ANO10: variants seen among roughly 807,000 people sequenced by gnomAD.
ANO10 encodes anoctamin-10.
In ANO10, 77 loss-of-function variants were observed where a neutral mutation model predicts 74.7. The ratio of observed to expected loss-of-function variants is 1.03; its 90% CI spans 0.86 to 1.25. The LOEUF (loss-of-function observed/expected upper bound fraction) is 1.25, where lower values mean the gene tolerates loss of function less well. Ranked by LOEUF, ANO10 falls within the 50% of genes most tolerant of loss-of-function variation. The pLI is 0.00. For missense variants in ANO10, 721 were observed against 778.1 expected (o/e 0.93, Z 0.87); for synonymous variants, 279 against 284.9 (o/e 0.98, Z 0.21).
At chr3:43,667,085 T>G (rs1171178592) in intron 1 of ANO10, among the ~76,000 whole-genome samples, 10 of 137,154 alleles carry the variant, frequency 7.3e-5, no homozygotes, top group African/African-American at 1.1e-4. Context: ...TTTTTTTTTT[T>G]TTTTTTTTTT....
chr3:43,502,587 C>T (rs1247228557), intron 11 of ANO10, among the ~76,000 whole-genome samples: 1 of 152,094 alleles, frequency 6.6e-6, no homozygotes, highest in Non-Finnish European at 1.5e-5. Context: ...AACCATGAGC[C>T]AAATAAACCT....
At chr3:43,609,244 T>C (rs1268542131) in intron 1 of ANO10, among the ~76,000 whole-genome samples, 2 of 152,248 alleles carry the variant, frequency 1.3e-5, no homozygotes, top group Non-Finnish European at 2.9e-5. Flanking sequence ...ATCCAAATTC[T>C]GTATGTTTTT....
intron 12 of ANO10, among the ~76,000 whole-genome samples, chr3:43,410,881 A>C (rs2092653688): frequency 6.6e-6 from 1 of 151,994 alleles, no homozygotes; most frequent in Non-Finnish European, 1.5e-5. Context: ...TTTCAGATGG[A>C]GAATATGATT....
At chr3:43,545,727 A>G (rs551460934) in intron 11 of ANO10, among the ~76,000 whole-genome samples, 1 of 152,306 alleles carries the variant, frequency 6.6e-6, no homozygotes, top group East Asian at 1.9e-4. Context: ...TAGAGGTATA[A>G]CTGACAAATA....
intron 1 of ANO10, among the ~76,000 whole-genome samples, chr3:43,656,031 G>C (rs950519215): frequency 9.1e-6 from 1 of 110,480 alleles, no homozygotes. Context: ...AGAGCAGCTA[G>C]ATACAGTGTC....
At chr3:43,531,755 C>T (rs11716569) in intron 11 of ANO10, among the ~76,000 whole-genome samples, 33,731 of 151,742 alleles carry the variant, frequency 0.22, 4,282 homozygotes, top group Middle Eastern at 0.36. Context: ...ATTAGCCAGG[C>T]GTGGTAGTGA....
At chr3:43,462,933 T>G (rs1192821835) in intron 11 of ANO10, among the ~76,000 whole-genome samples, 1 of 152,196 alleles carries the variant, frequency 6.6e-6, no homozygotes, top group African/African-American at 2.4e-5. Flanking sequence ...CCACGTGGTG[T>G]TGAGGCTGTG....
intron 1 of ANO10, among the ~76,000 whole-genome samples, chr3:43,607,760 T>C (rs572392951): frequency 2.3e-4 from 35 of 152,304 alleles, no homozygotes; most frequent in African/African-American, 8.4e-4. Flanking sequence ...AATGATCATA[T>C]ATTCAAAGAA....
chr3:43,632,230 C>T (rs1227087550), intron 1 of ANO10, among the ~76,000 whole-genome samples: 1 of 152,214 alleles, frequency 6.6e-6, no homozygotes, highest in Non-Finnish European at 1.5e-5. Context: ...CTCCACCCTC[C>T]TCTGTGCCCT....
chr3:43,367,957 T>G (rs2091469799), intron 12 of ANO10, among the ~76,000 whole-genome samples: 1 of 152,154 alleles, frequency 6.6e-6, no homozygotes, highest in African/African-American at 2.4e-5. Flanking sequence ...AGCAATACCA[T>G]GCTCCCTGTG....
At chr3:43,434,518 T>C (rs1199999512) in intron 11 of ANO10, among the ~76,000 whole-genome samples, 1 of 152,180 alleles carries the variant, frequency 6.6e-6, no homozygotes, top group African/African-American at 2.4e-5. Flanking sequence ...AAATCTTCCA[T>C]GTATTTCAGA....
chr3:43,619,285 G>A (rs879763069), intron 1 of ANO10, among the ~76,000 whole-genome samples: 1 of 152,174 alleles, frequency 6.6e-6, no homozygotes, highest in Non-Finnish European at 1.5e-5. Context: ...GGTTAAAAGA[G>A]GCTAAGGACA....
At chr3:43,559,447 GACA>G (rs2149340502) in intron 9 of ANO10, among the ~76,000 whole-genome samples, 1 of 152,310 alleles carries the variant, frequency 6.6e-6, no homozygotes, top group East Asian at 1.9e-4. Context: ...GGAAACTAAA[GACA>G]ACAATATGGA....
At chr3:43,397,748 G>T (rs1352997703) in intron 12 of ANO10, among the ~76,000 whole-genome samples, 1 of 152,090 alleles carries the variant, frequency 6.6e-6, no homozygotes, top group Non-Finnish European at 1.5e-5. Context: ...GCTGTCTCTG[G>T]TACTCTGTCC....
intron 9 of ANO10, among the ~76,000 whole-genome samples, chr3:43,556,324 T>C (rs181904575): frequency 6.6e-6 from 1 of 152,314 alleles, no homozygotes; most frequent in Admixed American, 6.5e-5. Context: ...TGCAGAGATG[T>C]GCAGGCAGTT....
In ANO10 at chr3:43,677,963, T is replaced by C. The variant is rs377485867; in HGVS notation, c.-12+13554A>G. ...AAGGAAAAACAAACACTAATCAACA[T>C]GAGGGGCCCTGAGGGGCCAATTAAT... is the stretch of plus-strand genomic sequence containing the variant. On this transcript the variant is annotated intron_variant, in intron 1 of 3. Coordinates refer to the ANO10 transcript ENST00000413397. Among the ~76,000 whole-genome samples the C allele has an allele frequency of 2.0e-5, 3 of 152,114 alleles. No homozygotes were observed. In the East Asian group the frequency reaches 5.8e-4, roughly 29 times the overall value.
intron 2 of ANO10, among the ~76,000 whole-genome samples, chr3:43,604,879 C>T (rs190984145): frequency 8.3e-4 from 126 of 152,190 alleles, no homozygotes; most frequent in African/African-American, 2.8e-3. Flanking sequence ...TTTTAAGTTT[C>T]CTTCTGGTTC....
chr3:43,668,221 T>A (rs930084964), intron 1 of ANO10, among the ~76,000 whole-genome samples: 1 of 152,164 alleles, frequency 6.6e-6, no homozygotes, highest in African/African-American at 2.4e-5. Flanking sequence ...TGTTGGCTGT[T>A]TGTATATCTT....
At chr3:43,632,912 G>A (rs2083563803) in intron 1 of ANO10, among the ~76,000 whole-genome samples, 3 of 152,148 alleles carry the variant, frequency 2.0e-5, no homozygotes, top group East Asian at 3.8e-4. Context: ...AGCAGTGGTG[G>A]TAAATAGAAT....
Sources: allele counts gnomAD v4.1 joint callset (sites outside exome capture counted in the v4.1 genomes callset), GRCh38; gene constraint gnomAD v4.1.1; transcripts MANE v1.5; gene names NCBI Gene and HGNC (gene_info 2026-07-23, HGNC 2026-07-21).